RBM41: variants seen among roughly 807,000 people sequenced by gnomAD.
RBM41 encodes RNA binding motif protein 41.
RBM41 carries 14 observed loss-of-function variants against 30.8 expected under a neutral mutation model. The observed-to-expected ratio is 0.45, with a 90% confidence interval of 0.30 to 0.71. The LOEUF (loss-of-function observed/expected upper bound fraction) is 0.71. Among genes scored for constraint, RBM41 ranks in the 30% least tolerant of loss-of-function variants. RBM41 has a pLI of 0.08. For synonymous variants in RBM41, 120 were observed against 110.1 expected, an observed-to-expected ratio of 1.09 and a Z score of -0.56; for missense variants, 276 against 326.3, an observed-to-expected ratio of 0.85 and a Z score of 1.19.
chrX:107,056,778 G>A, the RBM41 span, among the ~76,000 whole-genome samples: 4 of 104,925 alleles, frequency 3.8e-5, no homozygotes, highest in South Asian at 4.1e-4. Flanking sequence ...TATAGGTAAT[G>A]GTTTGCCAAT....
intron 1 of RBM41, among the ~76,000 whole-genome samples, chrX:107,118,290 C>A (rs1925056797): frequency 9.4e-6 from 1 of 106,282 alleles, no homozygotes; most frequent in African/African-American, 3.4e-5. Flanking sequence ...CTTTAAGATT[C>A]GAAAGCGCTA....
intron 5 of RBM41, among the ~76,000 whole-genome samples, chrX:107,104,465 A>G (rs901996307): frequency 1.8e-5 from 2 of 111,561 alleles, no homozygotes; most frequent in Admixed American, 9.6e-5. Context: ...CACTGAAAAC[A>G]AAGAATAGAA....
intron 5 of RBM41, among the ~76,000 whole-genome samples, chrX:107,104,094 C>T (rs946452507): frequency 9.1e-6 from 1 of 110,482 alleles, no homozygotes; most frequent in African/African-American, 3.3e-5. Flanking sequence ...CCTACCCCCC[C>T]GCCAGAGACC....
downstream of RBM41, among the ~76,000 whole-genome samples, chrX:107,057,048 T>C (rs774790962): frequency 1.8e-5 from 2 of 109,961 alleles, no homozygotes; most frequent in Admixed American, 9.8e-5. Context: ...TTAAATTTTT[T>C]TGTAGAGACG....
In RBM41 at chrX:107,118,754, A is replaced by C. The variant is rs1419525776; in HGVS notation, c.8+12T>G. 6.6e-6 allele frequency: 8 copies of C among 1,210,044 alleles called. No individual in the cohort carries two copies. In the East Asian group the frequency reaches 2.4e-4, roughly 36 times the overall value. On this transcript the variant is annotated intron_variant, in intron 1 of 7. Transcript: ENST00000685964. ...GCTCCCCTTGCCGCCTGCTCTTCAGACAAGTCCTTACCTCTTCATGTTTCC... is the reference window on the plus strand; with the variant it reads ...GCTCCCCTTGCCGCCTGCTCTTCAGCCAAGTCCTTACCTCTTCATGTTTCC...
Position 107,066,711 on chromosome X carries a change from C to T in RBM41, c.*816G>A. On this transcript the variant is annotated 3_prime_UTR_variant, in exon 8 of 8. Coordinates refer to ENST00000685964, the MANE Select transcript of RBM41 (RefSeq NM_001324242.2). ...TTATTTTCCAGCAACCATAAACAAA[C>T]AACTGGGGGATTTGTGACTGGCATC... 8.0e-6 allele frequency: 6 copies of T among 753,274 alleles called. No individual in the cohort carries two copies. Among genetic ancestry groups the T allele is most frequent in the Non-Finnish European group, 9.4e-6 (6 of 638,505 alleles). The allele number at this position is 753,274 out of a possible 1,213,427, so 62.1% of individuals were successfully genotyped here.
chrX:107,082,195 A>G (rs1921586556), intron 6 of RBM41, among the ~76,000 whole-genome samples: 1 of 111,328 alleles, frequency 9.0e-6, no homozygotes, highest in Admixed American at 9.5e-5. Context: ...GTCTATTCCT[A>G]GTTTGCTGAG....
intron 5 of RBM41, among the ~76,000 whole-genome samples, chrX:107,090,719 G>T (rs1922455239): frequency 9.0e-6 from 1 of 111,260 alleles, no homozygotes; most frequent in African/African-American, 3.3e-5. Flanking sequence ...TTGTTTCCAG[G>T]CCTTTTCAGT....
At chrX:107,083,562 G>A (rs1164257216) in intron 6 of RBM41, among the ~76,000 whole-genome samples, 1 of 110,771 alleles carries the variant, frequency 9.0e-6, no homozygotes, top group East Asian at 2.8e-4. Context: ...TCGTCCCATA[G>A]TTCTTGGATA....
intron 5 of RBM41, among the ~76,000 whole-genome samples, chrX:107,100,986 ACAC>A (rs1923406741): frequency 8.9e-6 from 1 of 112,358 alleles, no homozygotes. Flanking sequence ...TTGCCAGAAA[ACAC>A]CACAATATTG....
chrX:107,116,562 G>A (rs1317066218), intron 2 of RBM41, 88 bp downstream of exon 2: 15 of 1,135,711 alleles, frequency 1.3e-5, no homozygotes, highest in Non-Finnish European at 1.8e-5. Context: ...GGAGGTGGGA[G>A]AGGAACATTC....
At chrX:107,073,796 T>C (rs1936147984) in intron 6 of RBM41, among the ~76,000 whole-genome samples, 2 of 112,210 alleles carry the variant, frequency 1.8e-5, no homozygotes, top group South Asian at 7.4e-4. Flanking sequence ...CATAAAAATA[T>C]TGAAATCCTG....
chrX:107,076,651 T>G (rs1234365923), intron 6 of RBM41, among the ~76,000 whole-genome samples: 1 of 111,339 alleles, frequency 9.0e-6, no homozygotes. Flanking sequence ...TACAACATTG[T>G]GCTTATTATT....
At chrX:107,106,253 A>G (rs1264962549) in intron 5 of RBM41, among the ~76,000 whole-genome samples, 1 of 112,479 alleles carries the variant, frequency 8.9e-6, no homozygotes, top group Admixed American at 9.4e-5. Flanking sequence ...ATGCAGCCAA[A>G]AAACACATGA....
downstream of RBM41, among the ~76,000 whole-genome samples, chrX:107,057,604 A>G (rs2147847583): frequency 8.9e-6 from 1 of 112,243 alleles, no homozygotes; most frequent in East Asian, 2.8e-4. Flanking sequence ...ACTGGAGAAT[A>G]ATGTGAATTC....
chrX:107,101,853 A>G (rs1419208215), intron 5 of RBM41, among the ~76,000 whole-genome samples: 1 of 111,782 alleles, frequency 8.9e-6, no homozygotes, highest in African/African-American at 3.2e-5. Flanking sequence ...GTAGAATTGG[A>G]TTTAGAATTG....
At chrX:107,102,111 T>G (rs1313776367) in intron 5 of RBM41, among the ~76,000 whole-genome samples, 7 of 111,462 alleles carry the variant, frequency 6.3e-5, no homozygotes, top group Non-Finnish European at 1.3e-4. Context: ...GGCAAGGCCT[T>G]AGAAGGAAAT....
intron 1 of RBM41, among the ~76,000 whole-genome samples, chrX:107,117,908 C>T (rs1255573599): frequency 9.0e-6 from 1 of 111,036 alleles, no homozygotes; most frequent in African/African-American, 3.3e-5. Context: ...TGTATATATA[C>T]ATTATACATT....
At chrX:107,110,737 A>T (rs1924396416) in intron 5 of RBM41, among the ~76,000 whole-genome samples, 1 of 111,696 alleles carries the variant, frequency 9.0e-6, no homozygotes, top group Non-Finnish European at 1.9e-5. Context: ...ACTGGCATAA[A>T]GACAGGTATA....
Sources: allele counts gnomAD v4.1 joint callset (sites outside exome capture counted in the v4.1 genomes callset), GRCh38; gene constraint gnomAD v4.1.1; transcripts MANE v1.5; gene names NCBI Gene and HGNC (gene_info 2026-07-23, HGNC 2026-07-21).